The following TMEM132C variants were observed in gnomAD, a reference collection of about 807,000 sequenced individuals.
TMEM132C encodes protein phosphatase 1, regulatory subunit 152.
In TMEM132C, 29 loss-of-function variants were observed where a neutral mutation model predicts 61.4. The observed-to-expected ratio is 0.47, with a 90% CI of 0.35 to 0.64. The LOEUF (loss-of-function observed/expected upper bound fraction) is 0.64, where lower values mean the gene tolerates loss of function less well. Ranked by LOEUF, TMEM132C falls within the 30% of genes least tolerant of loss-of-function variation. The pLI is 0.00. For synonymous variants in TMEM132C, 656 were observed against 633.1 expected, an observed-to-expected ratio of 1.04 and a Z score of -0.54; for missense variants, 1,408 against 1,476.9, an observed-to-expected ratio of 0.95 and a Z score of 0.76.
chr12:128,652,613 T>C (rs566216609), intron 4 of TMEM132C, among the ~76,000 whole-genome samples: 1 of 152,302 alleles, frequency 6.6e-6, no homozygotes, highest in South Asian at 2.1e-4. Context: ...TGGAGCGTGC[T>C]CCGGGAAACG....
intron 2 of TMEM132C, among the ~76,000 whole-genome samples, chr12:128,456,012 C>T (rs1427612111): frequency 6.6e-6 from 1 of 152,176 alleles, no homozygotes; most frequent in Non-Finnish European, 1.5e-5. Context: ...ATGGCAAATA[C>T]GTCAGCTTTG....
At chr12:128,483,156 T>A (rs1871367060) in intron 2 of TMEM132C, among the ~76,000 whole-genome samples, 1 of 149,744 alleles carries the variant, frequency 6.7e-6, no homozygotes, top group Non-Finnish European at 1.5e-5. Flanking sequence ...TAGTCCCAGC[T>A]GCTTGGGAGG....
intron 2 of TMEM132C, among the ~76,000 whole-genome samples, chr12:128,489,893 G>A (rs1302018948): frequency 6.6e-6 from 1 of 152,108 alleles, no homozygotes; most frequent in Non-Finnish European, 1.5e-5. Context: ...TACTTTTCAA[G>A]CCAACAAACA....
chr12:128,687,399 A>G (rs1954686225), intron 5 of TMEM132C, among the ~76,000 whole-genome samples: 1 of 152,116 alleles, frequency 6.6e-6, no homozygotes, highest in Non-Finnish European at 1.5e-5. Context: ...CCGGTTGCAA[A>G]TCTATCCTCC....
At chr12:128,335,731 G>T (rs1872777315) in intron 1 of TMEM132C, among the ~76,000 whole-genome samples, 1 of 152,164 alleles carries the variant, frequency 6.6e-6, no homozygotes. Context: ...CAGCCCCATG[G>T]GGTAGATACC....
At chr12:128,286,436 T>A (rs777610724) in intron 1 of TMEM132C, among the ~76,000 whole-genome samples, 1 of 152,226 alleles carries the variant, frequency 6.6e-6, no homozygotes, top group Non-Finnish European at 1.5e-5. Context: ...CACTCCCACA[T>A]GGTGACAGCA....
At chr12:128,385,411 G>A (rs368248036) in intron 1 of TMEM132C, among the ~76,000 whole-genome samples, 3 of 137,544 alleles carry the variant, frequency 2.2e-5, no homozygotes, top group African/African-American at 2.6e-5. Context: ...CCGAGTCCTC[G>A]CACAGAGCCT....
At chr12:128,702,770 C>T (rs1202714828) in intron 8 of TMEM132C, among the ~76,000 whole-genome samples, 1 of 152,228 alleles carries the variant, frequency 6.6e-6, no homozygotes, top group Admixed American at 6.5e-5. Flanking sequence ...TCAGAGCGCA[C>T]ACAAGCTTTG....
intron 3 of TMEM132C, among the ~76,000 whole-genome samples, chr12:128,573,683 G>A (rs1874985172): frequency 6.6e-6 from 1 of 152,004 alleles, no homozygotes; most frequent in African/African-American, 2.4e-5. Flanking sequence ...TAGAATGGTG[G>A]ATGCCAGAGG....
rs547995001 is a variant in TMEM132C, at chr12:128,360,619, A to G, written c.86-54113A>G. On this transcript the variant is annotated intron_variant, in intron 1 of 8. Coordinates refer to ENST00000435159, the MANE Select transcript of TMEM132C (RefSeq NM_001136103.3). ...CCCATCATTCCGAGACAGGGGATGT[A>G]TCTCAGCCTGAATCATCAGGAAGTG... Among the ~76,000 whole-genome samples, 10 of 152,274 alleles carry G rather than the reference A, an allele frequency of 6.6e-5. No individual in the cohort carries two copies. In the South Asian group the frequency reaches 2.1e-3, roughly 32 times the overall value.
intron 4 of TMEM132C, among the ~76,000 whole-genome samples, chr12:128,656,985 G>A (rs1363290755): frequency 1.3e-5 from 2 of 152,156 alleles, no homozygotes; most frequent in African/African-American, 4.8e-5. Context: ...CAGACACCAG[G>A]CAGGCATCTT....
intron 7 of TMEM132C, among the ~76,000 whole-genome samples, chr12:128,696,557 CTT>C (rs1311398253): frequency 3.3e-5 from 5 of 152,214 alleles, no homozygotes; most frequent in African/African-American, 1.2e-4. Context: ...AACAAACTCT[CTT>C]TGAAATCCTG....
rs76711828 is a variant in TMEM132C at position 128,582,193 on chromosome 12, G to C, written c.1122-33959G>C. 2.3e-3 allele frequency among the ~76,000 whole-genome samples: 347 copies of C among 152,312 alleles called. 9 individuals are homozygous for C. In the East Asian group the frequency reaches 0.045, roughly 20 times the overall value. On this transcript the variant is annotated intron_variant, in intron 3 of 8. Coordinates refer to ENST00000435159, the MANE Select transcript of TMEM132C (RefSeq NM_001136103.3). ...CCAATGGAAAATAGGCAAGCACTAT[G>C]AACAGGCAATTCACTGGAAAGGAAA...
intron 1 of TMEM132C, among the ~76,000 whole-genome samples, chr12:128,294,991 A>ATAGATAGATAGGTAGATAGATAGG (rs1555251002): frequency 5.3e-5 from 8 of 149,578 alleles, no homozygotes; most frequent in Non-Finnish European, 8.9e-5. Flanking sequence ...TAAATAATAG[A>ATAGATAGATAGGTAGATAGATAGG]TAGATAGATA....
At chr12:128,614,152 C>T (rs1593120670) in intron 3 of TMEM132C, among the ~76,000 whole-genome samples, 2 of 152,306 alleles carry the variant, frequency 1.3e-5, no homozygotes, top group Admixed American at 6.5e-5. Flanking sequence ...CCACCAATAG[C>T]GGTTCTATTG....
intron 1 of TMEM132C, among the ~76,000 whole-genome samples, chr12:128,276,888 G>T (rs868695811): frequency 4.7e-5 from 4 of 85,804 alleles, no homozygotes; most frequent in Non-Finnish European, 8.7e-5. Flanking sequence ...ATGCATGTGC[G>T]TGCATGCACA....
chr12:128,314,357 A>G (rs1872078112), intron 1 of TMEM132C, among the ~76,000 whole-genome samples: 2 of 152,120 alleles, frequency 1.3e-5, no homozygotes, highest in Non-Finnish European at 2.9e-5. Context: ...CAGGCCTTCT[A>G]TTCGAGGCTG....
intron 3 of TMEM132C, among the ~76,000 whole-genome samples, chr12:128,575,895 A>G (rs1469089128): frequency 6.6e-6 from 1 of 152,206 alleles, no homozygotes; most frequent in Admixed American, 6.5e-5. Context: ...AGTATTTCCT[A>G]CAATATGTGG....
At chr12:128,552,927 A>ATTTTTTTTT (rs1874220236) in intron 3 of TMEM132C, among the ~76,000 whole-genome samples, 1 of 151,732 alleles carries the variant, frequency 6.6e-6, no homozygotes. Context: ...CAAACAAAAA[A>ATTTTTTTTT]AAAGCATAAA....
Sources: allele counts gnomAD v4.1 joint callset (sites outside exome capture counted in the v4.1 genomes callset), GRCh38; gene constraint gnomAD v4.1.1; transcripts MANE v1.5; gene names NCBI Gene and HGNC (gene_info 2026-07-23, HGNC 2026-07-21).